Variants in CNIH3 observed in about 807,000 individuals in gnomAD.
The protein encoded by CNIH3 is cornichon family AMPA receptor auxiliary protein 3.
CNIH3 carries 14 observed loss-of-function variants against 24.1 expected under a neutral mutation model. The ratio of observed to expected loss-of-function variants is 0.58; its 90% CI spans 0.38 to 0.91. The LOEUF is 0.91. CNIH3 is among the 40% of genes least tolerant of loss of function. CNIH3 has a pLI of 0.00. For missense variants in CNIH3, 178 were observed against 196.8 expected (o/e 0.90, Z 0.57); for synonymous variants, 68 against 73.8 (o/e 0.92, Z 0.40).
intron 2 of CNIH3, among the ~76,000 whole-genome samples, chr1:224,526,144 T>C (rs1678836467): frequency 6.6e-6 from 1 of 152,202 alleles, no homozygotes; most frequent in African/African-American, 2.4e-5. Flanking sequence ...ATTACAAATG[T>C]ATGAATTTTA....
chr1:224,524,500 T>C (rs1678768271), intron 2 of CNIH3, among the ~76,000 whole-genome samples: 1 of 152,240 alleles, frequency 6.6e-6, no homozygotes, highest in African/African-American at 2.4e-5. Flanking sequence ...ATCACCTTGA[T>C]AGATATCTGT....
intron 3 of CNIH3, among the ~76,000 whole-genome samples, chr1:224,697,034 G>A (rs576039509): frequency 2.8e-4 from 43 of 152,338 alleles, no homozygotes; most frequent in African/African-American, 1.0e-3. Context: ...TAGCTGCAAA[G>A]TTTAGTCAAC....
chr1:224,723,328 C>T (rs1572813927), intron 3 of CNIH3, among the ~76,000 whole-genome samples: 1 of 152,344 alleles, frequency 6.6e-6, no homozygotes, highest in East Asian at 1.9e-4. Context: ...GTTTTGACCC[C>T]CCTTCTCTCT....
At chr1:224,723,153 C>T (rs1430358452) in intron 3 of CNIH3, among the ~76,000 whole-genome samples, 1 of 152,136 alleles carries the variant, frequency 6.6e-6, no homozygotes, top group East Asian at 1.9e-4. Flanking sequence ...AGGCAGCTCC[C>T]AGGGTGCTGG....
intron 1 of CNIH3, among the ~76,000 whole-genome samples, chr1:224,450,587 G>A (rs1447854488): frequency 1.3e-5 from 2 of 152,196 alleles, no homozygotes; most frequent in Non-Finnish European, 2.9e-5. Flanking sequence ...GGCATTAAAA[G>A]GACACAATGA....
At chr1:224,569,872 C>T (rs956787109) in intron 4 of CNIH3, among the ~76,000 whole-genome samples, 4 of 152,134 alleles carry the variant, frequency 2.6e-5, no homozygotes, top group African/African-American at 9.7e-5. Context: ...CAAACTCAAC[C>T]TCCCGGGTTC....
At chr1:224,570,907 TC>T (rs1465077061) in intron 4 of CNIH3, among the ~76,000 whole-genome samples, 10 of 152,074 alleles carry the variant, frequency 6.6e-5, no homozygotes, top group African/African-American at 2.4e-4. Context: ...GGATCATATT[TC>T]TTTTTTTTTT....
chr1:224,724,580 G>T (rs1688918662), intron 3 of CNIH3, among the ~76,000 whole-genome samples: 1 of 152,224 alleles, frequency 6.6e-6, no homozygotes, highest in African/African-American at 2.4e-5. Context: ...AGTATGGGCT[G>T]AGGAATCAAA....
chr1:224,550,516 G>A (rs1198627438), intron 3 of CNIH3, among the ~76,000 whole-genome samples: 1 of 152,082 alleles, frequency 6.6e-6, no homozygotes, highest in Admixed American at 6.6e-5. Context: ...TGAGAGCGAT[G>A]TTATTTCAGT....
upstream of CNIH3, among the ~76,000 whole-genome samples, chr1:224,614,722 GT>G (rs1682861235): frequency 6.6e-6 from 1 of 152,018 alleles, no homozygotes; most frequent in Non-Finnish European, 1.5e-5. Context: ...GCCGAGGTGG[GT>G]AGATCACGAG....
intron 3 of CNIH3, among the ~76,000 whole-genome samples, chr1:224,561,601 C>T (rs575189136): frequency 3.9e-5 from 6 of 152,340 alleles, no homozygotes; most frequent in African/African-American, 1.4e-4. Context: ...GGCTTAGATA[C>T]TACCCGTCAG....
At chr1:224,652,453 G>A (rs1029369464) in intron 1 of CNIH3, among the ~76,000 whole-genome samples, 2 of 152,134 alleles carry the variant, frequency 1.3e-5, no homozygotes, top group South Asian at 2.1e-4. Flanking sequence ...AGAAGTGTCC[G>A]TTCCAAGCAG....
intron 4 of CNIH3, among the ~76,000 whole-genome samples, chr1:224,581,535 C>T (rs1681273353): frequency 6.6e-6 from 1 of 152,102 alleles, no homozygotes; most frequent in Non-Finnish European, 1.5e-5. Context: ...CAAATTTCTC[C>T]TTGCTCTTGA....
At chr1:224,543,377 G>C (rs1426561785) in intron 2 of CNIH3, among the ~76,000 whole-genome samples, 3 of 152,238 alleles carry the variant, frequency 2.0e-5, no homozygotes, top group Non-Finnish European at 4.4e-5. Context: ...GTACTCTCCT[G>C]CGTACTTTAG....
chr1:224,509,518 C>T (rs894364036), intron 1 of CNIH3, among the ~76,000 whole-genome samples: 2 of 152,180 alleles, frequency 1.3e-5, no homozygotes, highest in African/African-American at 4.8e-5. Flanking sequence ...CCCCTTCTCC[C>T]TGGCCCACCC....
At chr1:224,675,823 C>T (rs1686111286) in intron 1 of CNIH3, among the ~76,000 whole-genome samples, 1 of 152,156 alleles carries the variant, frequency 6.6e-6, no homozygotes, top group African/African-American at 2.4e-5. Context: ...GGCAAAAAAC[C>T]CCCCAAAACT....
intron 5 of CNIH3, among the ~76,000 whole-genome samples, chr1:224,736,870 C>T (rs757477200): frequency 6.6e-6 from 1 of 152,170 alleles, no homozygotes; most frequent in African/African-American, 2.4e-5. Flanking sequence ...TGGACAAAGC[C>T]GCCGTGGGCT....
In CNIH3 at chr1:224,560,729, C is replaced by T. The variant is rs148415540; in HGVS notation, n.451-5470C>T. ...CAGGAAAAGAAGCTCAGGGCTCCCA[C>T]GGATTCTACATTATGGTGAGTTGAA... On this transcript the variant is annotated intron_variant and non_coding_transcript_variant, in intron 3 of 5. Coordinates refer to the CNIH3 transcript ENST00000471578. 5.2e-4 allele frequency among the ~76,000 whole-genome samples: 79 copies of T among 151,954 alleles called. 1 individual carries two copies. In the East Asian group the frequency reaches 0.013, roughly 25 times the overall value.
chr1:224,607,894 C>T (rs1227661056), intron 3 of CNIH3, among the ~76,000 whole-genome samples: 3 of 152,030 alleles, frequency 2.0e-5, no homozygotes, highest in Non-Finnish European at 2.9e-5. Flanking sequence ...GTTTCTGGGC[C>T]TGAGATTTTA....
Sources: allele counts gnomAD v4.1 joint callset (sites outside exome capture counted in the v4.1 genomes callset), GRCh38; gene constraint gnomAD v4.1.1; transcripts MANE v1.5; gene names NCBI Gene and HGNC (gene_info 2026-07-23, HGNC 2026-07-21).